Variants in PPP2R5E observed in about 807,000 individuals in gnomAD.
PPP2R5E encodes the protein protein phosphatase 2 regulatory subunit B'epsilon, also known as serine/threonine-protein phosphatase 2A 56 kDa regulatory subunit epsilon isoform.
Under a neutral mutation model 65.3 loss-of-function variants are expected in PPP2R5E, and 4 were observed. The observed-to-expected ratio is 0.06, with a 90% CI of 0.03 to 0.14. The LOEUF is 0.14. Among genes scored for constraint, PPP2R5E ranks in the 10% least tolerant of loss-of-function variants. The pLI is 1.00. For missense variants in PPP2R5E, 274 were observed against 556.1 expected, an observed-to-expected ratio of 0.49 and a Z score of 5.10; for synonymous variants, 183 against 187.4, an observed-to-expected ratio of 0.98 and a Z score of 0.19.
intron 2 of PPP2R5E, among the ~76,000 whole-genome samples, chr14:63,530,898 T>C (rs1490284922): frequency 1.3e-5 from 2 of 152,166 alleles, no homozygotes; most frequent in Non-Finnish European, 2.9e-5. Context: ...ATTACAGGTG[T>C]GAGCCACCGC....
chr14:63,517,571 A>G (rs1274654496), intron 2 of PPP2R5E, among the ~76,000 whole-genome samples: 1 of 152,158 alleles, frequency 6.6e-6, no homozygotes, highest in Non-Finnish European at 1.5e-5. Context: ...AACCATCACA[A>G]ATCCAGTTTC....
chr14:63,508,584 A>G (rs1042921406), intron 2 of PPP2R5E, among the ~76,000 whole-genome samples: 4 of 152,258 alleles, frequency 2.6e-5, no homozygotes, highest in Admixed American at 2.6e-4. Context: ...ACTGAGGCAT[A>G]GAGAGATTAA....
chr14:63,382,222 A>C, intron 12 of PPP2R5E, 65 bp from the exon 13 acceptor site: 1 of 1,248,984 alleles, frequency 8.0e-7, no homozygotes, highest in Non-Finnish European at 1.2e-6. Flanking sequence ...TGAATGAAGA[A>C]AGCAAAAGCA....
At chr14:63,378,942 C>T (rs893792802) in intron 13 of PPP2R5E, among the ~76,000 whole-genome samples, 1 of 152,198 alleles carries the variant, frequency 6.6e-6, no homozygotes, top group East Asian at 1.9e-4. Flanking sequence ...ATTCCCACAC[C>T]TATGGAGAAA....
intron 7 of PPP2R5E, among the ~76,000 whole-genome samples, chr14:63,394,298 T>A (rs1885204485): frequency 6.6e-6 from 1 of 152,114 alleles, no homozygotes; most frequent in Non-Finnish European, 1.5e-5. Flanking sequence ...TTGTCCAGAC[T>A]GGTCTAGAAC....
intron 2 of PPP2R5E, among the ~76,000 whole-genome samples, chr14:63,507,348 A>G (rs1195727536): frequency 6.6e-6 from 1 of 152,072 alleles, no homozygotes; most frequent in Non-Finnish European, 1.5e-5. Context: ...AACTACCATA[A>G]CTGTTAATTA....
At position 63,489,393 on chromosome 14, in the gene PPP2R5E, TTTGTTG is replaced by T. The variant is rs140733727; in HGVS notation, c.158-35514_158-35509del. Among the ~76,000 whole-genome samples, 540 of 149,158 alleles carry T rather than the reference TTTGTTG, an allele frequency of 3.6e-3. 1 individual carries two copies. The highest frequency in any genetic ancestry group is 0.013 in the African/African-American group (505 of 39,960). The stretch of plus-strand genomic sequence containing the variant: ...ATGTTGGTCACCAAATACCATAATT[TTTGTTG>T]TTGTTGTTGTTGTTTTCTTTTTTTT... On this transcript the variant is annotated intron_variant, in intron 2 of 13. Coordinates refer to ENST00000337537, the MANE Select transcript of PPP2R5E (RefSeq NM_006246.5).
chr14:63,399,154 G>T (rs1594830128), intron 5 of PPP2R5E, among the ~76,000 whole-genome samples: 1 of 152,100 alleles, frequency 6.6e-6, no homozygotes, highest in South Asian at 2.1e-4. Flanking sequence ...GGATGCCATG[G>T]AATATTATTC....
intron 3 of PPP2R5E, among the ~76,000 whole-genome samples, chr14:63,437,879 C>T (rs1367956708): frequency 6.6e-6 from 1 of 152,082 alleles, no homozygotes; most frequent in African/African-American, 2.4e-5. Context: ...AATGTCTTTC[C>T]TTGTGTGTGC....
At chr14:63,469,320 G>A (rs1332290876) in intron 2 of PPP2R5E, among the ~76,000 whole-genome samples, 7 of 152,166 alleles carry the variant, frequency 4.6e-5, no homozygotes, top group Non-Finnish European at 7.4e-5. Context: ...TGTAAAGAAT[G>A]AAAACAAATG....
chr14:63,397,499 C>CT (rs1339145169), intron 5 of PPP2R5E, among the ~76,000 whole-genome samples: 3 of 65,986 alleles, frequency 4.5e-5, no homozygotes, highest in South Asian at 5.5e-4. Context: ...AAGATTCGGT[C>CT]TTTAAAAAAA....
Position 63,374,614 on chromosome 14 carries a change from ACAAAG to A in PPP2R5E, c.*1390_*1394del, listed in dbSNP as rs1447880628. 7.2e-6 allele frequency: 1 copy of A among 138,814 alleles called. No individual in the cohort carries two copies. Among genetic ancestry groups the A allele is most frequent in the Non-Finnish European group, 1.5e-5 (1 of 66,634 alleles). The allele number at this position is 138,814 out of a possible 1,614,324, so 8.6% of individuals were successfully genotyped here. A position where few individuals can be genotyped will look rare whatever the true frequency, so the allele number is the denominator to read the frequency against. On this transcript the variant is annotated 3_prime_UTR_variant, in exon 14 of 14. Coordinates refer to ENST00000337537, the MANE Select transcript of PPP2R5E (RefSeq NM_006246.5). The stretch of plus-strand genomic sequence containing the variant: ...AAGATGTAAGATTCTTCATTTAAAT[ACAAAG>A]CAGAGAGCCAATAAGATATATATAT...
intron 3 of PPP2R5E, among the ~76,000 whole-genome samples, chr14:63,445,241 G>A (rs1452579127): frequency 1.3e-5 from 2 of 152,080 alleles, no homozygotes; most frequent in Non-Finnish European, 2.9e-5. Context: ...ATCAGTTCCA[G>A]GCCATCACAA....
At chr14:63,438,232 T>A (rs576371183) in intron 3 of PPP2R5E, among the ~76,000 whole-genome samples, 1 of 152,344 alleles carries the variant, frequency 6.6e-6, no homozygotes, top group South Asian at 2.1e-4. Flanking sequence ...CTGCTCATCA[T>A]GCACCACTGT....
chr14:63,530,072 C>G (rs1397648471), intron 2 of PPP2R5E, among the ~76,000 whole-genome samples: 1 of 152,066 alleles, frequency 6.6e-6, no homozygotes, highest in Non-Finnish European at 1.5e-5. Context: ...CTTTGAGAAT[C>G]TGATGAAAGC....
chr14:63,484,869 C>T (rs1890902918), intron 2 of PPP2R5E, among the ~76,000 whole-genome samples: 1 of 152,142 alleles, frequency 6.6e-6, no homozygotes, highest in South Asian at 2.1e-4. Context: ...TACAGGAATC[C>T]TAAGCAGCAA....
At chr14:63,379,826 C>CTCTCTCT (rs528081976) in intron 13 of PPP2R5E, among the ~76,000 whole-genome samples, 16 of 100,280 alleles carry the variant, frequency 1.6e-4, no homozygotes, top group African/African-American at 7.8e-4. Flanking sequence ...TATTCTCTCT[C>CTCTCTCT]TTTTTTTTTT....
At chr14:63,401,391 C>A (rs1016388766) in intron 5 of PPP2R5E, among the ~76,000 whole-genome samples, 1 of 152,142 alleles carries the variant, frequency 6.6e-6, no homozygotes, top group African/African-American at 2.4e-5. Context: ...TAACAGGTAG[C>A]TTGTAGTCAA....
At chr14:63,491,820 C>A (rs994563547) in intron 2 of PPP2R5E, among the ~76,000 whole-genome samples, 1 of 152,106 alleles carries the variant, frequency 6.6e-6, no homozygotes, top group African/African-American at 2.4e-5. Context: ...GCACTCCAGT[C>A]TGGGTGACAA....
Sources: gnomAD v4.1 joint callset for allele counts (sites outside exome capture counted in the v4.1 genomes callset) on GRCh38, gnomAD v4.1.1 for gene constraint, MANE v1.5 for transcripts, NCBI Gene and HGNC (gene_info 2026-07-23, HGNC 2026-07-21) for gene names.